The following TIMM10B variants were observed in gnomAD, a reference collection of about 807,000 sequenced individuals.
TIMM10B encodes mitochondrial import inner membrane translocase subunit Tim10 B.
TIMM10B carries 17 observed loss-of-function variants against 12.6 expected under a neutral mutation model. The ratio of observed to expected loss-of-function variants is 1.35; its 90% CI spans 0.92 to 2.03. The LOEUF (loss-of-function observed/expected upper bound fraction) is 2.03. Ranked by LOEUF, TIMM10B falls within the 30% of genes most tolerant of loss-of-function variation. TIMM10B has a pLI of 0.00. For synonymous variants in TIMM10B, 63 were observed against 51.3 expected, an observed-to-expected ratio of 1.23 and a Z score of -0.97; for missense variants, 165 against 133.3, an observed-to-expected ratio of 1.24 and a Z score of -1.17.
chr11:6,482,119 C>T lies in TIMM10B; in HGVS notation c.210C>T (p.Leu70=). 1.9e-6 allele frequency: 3 copies of T among 1,613,792 alleles called. No homozygotes were observed. Among genetic ancestry groups the T allele is most frequent in the Non-Finnish European group, 2.5e-6 (3 of 1,180,036 alleles). Residue 70 remains leucine (L), a synonymous_variant, in exon 3 of 3, where the codon CTC becomes CTT. Coordinates refer to ENST00000254616, the MANE Select transcript of TIMM10B (RefSeq NM_012192.4). ...GCCTCATGGCCGCTTACGTGCAGCT[C>T]ATGCCTGCCCTGGTACAGCGCCGCA... The part of the protein sequence containing the change: ...NHRLMAAYVQ[L]MPALVQRRIA...
intron 1 of TIMM10B, 23 bp from the exon 2 acceptor site, chr11:6,481,711 GTGTGGGGCCCTTATCGCTGAGTT>G: frequency 6.2e-7 from 1 of 1,613,342 alleles, no homozygotes; most frequent in Non-Finnish European, 8.5e-7. Flanking sequence ...TTGACTAGAA[GTGTGGGGCCCTTATCGCTGAGTT>G]TGTGGTCCCC....
rs998077572 is a variant in TIMM10B, at chr11:6,483,874, A to G, written c.*1653A>G. The G allele has an allele frequency of 2.6e-5, 4 of 152,218 alleles. No homozygotes were observed. The highest frequency in any genetic ancestry group is 5.9e-5 in the Non-Finnish European group (4 of 68,034). The allele number at this position is 152,218 out of a possible 1,614,324, so 9.4% of individuals were successfully genotyped here. A position where few individuals can be genotyped will look rare whatever the true frequency, so the allele number is the denominator to read the frequency against. ...AAGTGCAGATCTGACTTTAAAGTCCATGTTCATTTTACACAGCAGGCTGCC... is the reference window on the plus strand; with the variant it reads ...AAGTGCAGATCTGACTTTAAAGTCCGTGTTCATTTTACACAGCAGGCTGCC... On this transcript the variant is annotated 3_prime_UTR_variant, in exon 3 of 3. Coordinates refer to ENST00000254616, the MANE Select transcript of TIMM10B (RefSeq NM_012192.4).
At chr11:6,481,696 C>T (rs1403294409) in intron 1 of TIMM10B, 61 bp from the exon 2 acceptor site, 1 of 1,607,810 alleles carries the variant, frequency 6.2e-7, no homozygotes, top group African/African-American at 1.3e-5. Context: ...TTGGGCGGCG[C>T]GACCTTGACT....
chr11:6,482,368 A>C lies in TIMM10B; in HGVS notation c.*147A>C. 2 of 689,664 alleles carry C rather than the reference A, an allele frequency of 2.9e-6. No homozygotes were observed. Among genetic ancestry groups the C allele is most frequent in the African/African-American group, 1.8e-5 (1 of 55,644 alleles). The allele number at this position is 689,664 out of a possible 1,614,324, so 42.7% of individuals were successfully genotyped here. On this transcript the variant is annotated 3_prime_UTR_variant, in exon 3 of 3. Coordinates refer to ENST00000254616, the MANE Select transcript of TIMM10B (RefSeq NM_012192.4). The stretch of plus-strand genomic sequence containing the variant: ...TTGCTCCTTTTCCTGGAGCCAATAT[A>C]CCCAGTTTTTACTCAGTTTGATTTA...
At position 6,481,771 on chromosome 11, in the gene TIMM10B, G is replaced by C; in HGVS notation, c.54G>C (p.Leu18=). The C allele has an allele frequency of 6.2e-7, 1 of 1,614,132 alleles. No homozygotes were observed. The highest frequency in any genetic ancestry group is 8.5e-7 in the Non-Finnish European group (1 of 1,180,036). Residue 18 remains leucine (L), a synonymous_variant, in exon 2 of 3, where the codon CTG becomes CTC. Transcript: ENST00000254616. ...QQQLRNLRDF[L]LVYNRMTELC... ...TTTTCTCTCAGCTGCGTGACTTCCT[G>C]TTGGTCTACAATCGGATGACAGAAC... is the stretch of plus-strand genomic sequence containing the variant.
At chr11:6,481,884 A>G (rs2134336456) in intron 2 of TIMM10B, 32 bp downstream of exon 2, 1 of 1,612,280 alleles carries the variant, frequency 6.2e-7, no homozygotes, top group South Asian at 1.1e-5. Context: ...TTACGCTGCA[A>G]GAAGAGTTTA....
chr11:6,482,846 G>C lies in TIMM10B; in HGVS notation c.*625G>C, dbSNP rs1851851718. The C allele has an allele frequency of 6.6e-6, 1 of 152,254 alleles. No individual in the cohort carries two copies. The allele number at this position is 152,254 out of a possible 1,614,324, so 9.4% of individuals were successfully genotyped here. A position where few individuals can be genotyped will look rare whatever the true frequency, so the allele number is the denominator to read the frequency against. ...CTATGTCTTACATGTCTAGAGTTCT[G>C]CTGGATCTAGGGAAAGGAGGAGCTA... On this transcript the variant is annotated 3_prime_UTR_variant, in exon 3 of 3. Transcript: ENST00000254616.
chr11:6,483,914 T>G lies in TIMM10B; in HGVS notation c.*1693T>G, dbSNP rs1851880689. ...AGCAGGCTGCCTCTTAAGATAGTATTTATTGAGCACACACTTTGTGTAGGT... is the reference window on the plus strand; with the variant it reads ...AGCAGGCTGCCTCTTAAGATAGTATGTATTGAGCACACACTTTGTGTAGGT... On this transcript the variant is annotated 3_prime_UTR_variant, in exon 3 of 3. Transcript: ENST00000254616. 6.6e-6 allele frequency: 1 copy of G among 152,174 alleles called. No homozygotes were observed. Among genetic ancestry groups the G allele is most frequent in the Non-Finnish European group, 1.5e-5 (1 of 68,016 alleles). The allele number at this position is 152,174 out of a possible 1,614,324, so 9.4% of individuals were successfully genotyped here. A position where few individuals can be genotyped will look rare whatever the true frequency, so the allele number is the denominator to read the frequency against.
In TIMM10B at chr11:6,481,818, C is replaced by G; in HGVS notation, c.101C>G (p.Pro34Arg). 6.2e-7 allele frequency: 1 copy of G among 1,613,506 alleles called. No individual in the cohort carries two copies. Among genetic ancestry groups the G allele is most frequent in the South Asian group, 1.1e-5 (1 of 91,030 alleles). The change falls in exon 2 of 3, where the codon CCC (proline) becomes CGC (arginine). Residue 34 changes from proline to arginine, a missense_variant. Physicochemically the swap from Pro to Arg is moderately radical, Grantham distance 103. Transcript: ENST00000254616. ...GAACTCTGCTTCCAGCGCTGTGTGC[C>G]CAGCTTGCACCACCGAGCTCTGGAC... is the stretch of plus-strand genomic sequence containing the variant. ...MTELCFQRCV[P>R]SLHHRALDAE...
chr11:6,481,629 G>A, intron 1 of TIMM10B, 74 bp downstream of exon 1: 20 of 1,573,832 alleles, frequency 1.3e-5, no homozygotes, highest in Non-Finnish European at 1.6e-5. Flanking sequence ...GAACCCCACA[G>A]GGCCAGGGAT....
chr11:6,482,525 T>C lies in TIMM10B; in HGVS notation c.*304T>C. ...ATATGTAGAAGGAAAACCTGAGCAT[T>C]TGCAGGCATCTGGTTAAAGCAGGGT... On this transcript the variant is annotated 3_prime_UTR_variant, in exon 3 of 3. Transcript: ENST00000254616. The C allele has an allele frequency of 2.9e-6, 1 of 345,310 alleles. No homozygotes were observed. Among genetic ancestry groups the C allele is most frequent in the Non-Finnish European group, 5.5e-6 (1 of 182,768 alleles). 21.4% of individuals were successfully genotyped at this position (345,310 alleles called of 1,614,324 possible).
Position 6,482,124 on chromosome 11 carries a change from C to T in TIMM10B, c.215C>T (p.Pro72Leu). 1 of 1,613,700 alleles carries T rather than the reference C, an allele frequency of 6.2e-7. No homozygotes were observed. ...RLMAAYVQLM[P>L]ALVQRRIADY... ...ATGGCCGCTTACGTGCAGCTCATGC[C>T]TGCCCTGGTACAGCGCCGCATCGCA... The change falls in exon 3 of 3, where the codon CCT becomes CTT. Residue 72 changes from proline to leucine, a missense_variant. Coordinates refer to ENST00000254616, the MANE Select transcript of TIMM10B (RefSeq NM_012192.4).
rs1036395801 is a variant in TIMM10B, at chr11:6,482,801, C to T, written c.*580C>T. ...ACCGTGAGCCAAGTATTTGTTGGTTCATAACTGTTGTTTTGTGAACTATGT... is the reference window on the plus strand; with the variant it reads ...ACCGTGAGCCAAGTATTTGTTGGTTTATAACTGTTGTTTTGTGAACTATGT... On this transcript the variant is annotated 3_prime_UTR_variant, in exon 3 of 3. Transcript: ENST00000254616. 6.6e-6 allele frequency: 1 copy of T among 152,650 alleles called. No individual in the cohort carries two copies. Among genetic ancestry groups the T allele is most frequent in the Non-Finnish European group, 1.5e-5 (1 of 68,398 alleles). 9.5% of individuals were successfully genotyped at this position (152,650 alleles called of 1,614,324 possible).
chr11:6,481,612 A>G (rs1012456544), intron 1 of TIMM10B, 57 bp downstream of exon 1: 1 of 1,574,272 alleles, frequency 6.4e-7, no homozygotes, highest in Non-Finnish European at 8.6e-7. Context: ...TCCTGCACAC[A>G]TCGCGGGAAC....
rs577537451 is a variant in TIMM10B at position 6,483,487 on chromosome 11, T to G, written c.*1266T>G. 6.6e-6 allele frequency: 1 copy of G among 152,314 alleles called. No homozygotes were observed. Among genetic ancestry groups the G allele is most frequent in the Non-Finnish European group, 1.5e-5 (1 of 68,040 alleles). The allele number at this position is 152,314 out of a possible 1,614,324, so 9.4% of individuals were successfully genotyped here. On this transcript the variant is annotated 3_prime_UTR_variant, in exon 3 of 3. Coordinates refer to ENST00000254616, the MANE Select transcript of TIMM10B (RefSeq NM_012192.4). ...CCACTTATTCTGTCTTTTCCATTCC[T>G]TCATTCAAACTGCTAGAGAAAAACA...
rs985348604 is a variant in TIMM10B at position 6,483,243 on chromosome 11, G to A, written c.*1022G>A. On this transcript the variant is annotated 3_prime_UTR_variant, in exon 3 of 3. Coordinates refer to ENST00000254616, the MANE Select transcript of TIMM10B (RefSeq NM_012192.4). ...ATGCTACGTTAATGTTTCACTGCTC[G>A]TCTAGAAACTCCTAAATCCAGCTTT... 5.3e-5 allele frequency: 8 copies of A among 152,136 alleles called. No individual in the cohort carries two copies. Among genetic ancestry groups the A allele is most frequent in the Admixed American group, 3.9e-4 (6 of 15,268 alleles). The allele number at this position is 152,136 out of a possible 1,614,324, so 9.4% of individuals were successfully genotyped here.
chr11:6,484,163 A>G lies in TIMM10B; in HGVS notation c.*1942A>G, dbSNP rs2134344275. 1.3e-5 allele frequency: 2 copies of G among 151,660 alleles called. No individual in the cohort carries two copies. The highest frequency in any genetic ancestry group is 6.8e-3 in the Middle Eastern group (2 of 292). 9.4% of individuals were successfully genotyped at this position (151,660 alleles called of 1,614,324 possible). A position where few individuals can be genotyped will look rare whatever the true frequency, so the allele number is the denominator to read the frequency against. ...GAGTGCAGTGGAGCGATCTAGGCTC[A>G]CTGCAACCTCCGCCACCCGGGTTCA... On this transcript the variant is annotated 3_prime_UTR_variant, in exon 3 of 3. Transcript: ENST00000254616.
chr11:6,482,120 A>G lies in TIMM10B; in HGVS notation c.211A>G (p.Met71Val). The G allele has an allele frequency of 5.0e-6, 8 of 1,613,774 alleles. No homozygotes were observed. The highest frequency in any genetic ancestry group is 6.8e-6 in the Non-Finnish European group (8 of 1,180,048). The change falls in exon 3 of 3, where the codon ATG becomes GTG. Residue 71 changes from methionine (M) to valine (V), a missense_variant. Transcript: ENST00000254616. ...CCTCATGGCCGCTTACGTGCAGCTC[A>G]TGCCTGCCCTGGTACAGCGCCGCAT... ...HRLMAAYVQL[M>V]PALVQRRIAD...
At chr11:6,481,920 C>G in intron 2 of TIMM10B, 68 bp downstream of exon 2, 1 of 1,604,692 alleles carries the variant, frequency 6.2e-7, no homozygotes, top group Non-Finnish European at 8.5e-7. Context: ...CCTCCTCACC[C>G]CACTTCCCGT....
Sources: allele counts gnomAD v4.1 joint callset, GRCh38; gene constraint gnomAD v4.1.1; transcripts MANE v1.5; gene names NCBI Gene and HGNC (gene_info 2026-07-23, HGNC 2026-07-21).